The following ATP8B4 variants were observed in gnomAD, a reference collection of about 807,000 sequenced individuals.
ATP8B4 encodes ATPase phospholipid transporting 8B4 (putative).
ATP8B4 carries 133 observed loss-of-function variants against 145.6 expected under a neutral mutation model. The observed-to-expected ratio is 0.91, with a 90% CI of 0.79 to 1.05. ATP8B4 has a LOEUF of 1.05. ATP8B4 is among the 50% of genes least tolerant of loss of function. The pLI, the probability that ATP8B4 is intolerant of heterozygous loss-of-function variation, is 0.00. For missense variants in ATP8B4, 1,458 were observed against 1,425.2 expected (o/e 1.02, Z -0.37); for synonymous variants, 507 against 492.9 (o/e 1.03, Z -0.38).
At chr15:50,089,445 A>C (rs2055445434) in intron 2 of ATP8B4, among the ~76,000 whole-genome samples, 1 of 152,166 alleles carries the variant, frequency 6.6e-6, no homozygotes. Context: ...AAAAGCAAAC[A>C]ACCACATTGA....
intron 21 of ATP8B4, among the ~76,000 whole-genome samples, chr15:49,899,633 T>TTCTC (rs200462162): frequency 1.3e-5 from 2 of 151,826 alleles, no homozygotes; most frequent in South Asian, 4.1e-4. Context: ...AATGGTCTCT[T>TTCTC]TCTCTCTCTC....
chr15:50,067,099 T>C (rs887118774), intron 3 of ATP8B4, among the ~76,000 whole-genome samples: 1 of 152,090 alleles, frequency 6.6e-6, no homozygotes, highest in Admixed American at 6.6e-5. Context: ...ACCTCACATT[T>C]AGCAAGTTCC....
chr15:50,020,336 C>G (rs2049449667), intron 6 of ATP8B4, among the ~76,000 whole-genome samples: 1 of 150,220 alleles, frequency 6.7e-6, no homozygotes. Flanking sequence ...ATGGCACAGT[C>G]TCGGCTCACT....
chr15:50,099,054 T>C (rs971558118), intron 2 of ATP8B4, among the ~76,000 whole-genome samples: 1 of 152,116 alleles, frequency 6.6e-6, no homozygotes, highest in Non-Finnish European at 1.5e-5. Context: ...CCCGGTCTGA[T>C]TCATCCTACC....
intron 12 of ATP8B4, among the ~76,000 whole-genome samples, chr15:49,978,631 C>T (rs1485487095): frequency 6.6e-6 from 1 of 152,002 alleles, no homozygotes; most frequent in African/African-American, 2.4e-5. Flanking sequence ...CAACCAAGTC[C>T]CATCTTAGCT....
intron 26 of ATP8B4, among the ~76,000 whole-genome samples, chr15:49,865,366 C>A (rs1160873974): frequency 6.6e-6 from 1 of 152,196 alleles, no homozygotes; most frequent in Non-Finnish European, 1.5e-5. Flanking sequence ...TTTGTAATAT[C>A]CTTTATAGTA....
intron 1 of ATP8B4, among the ~76,000 whole-genome samples, chr15:50,170,351 G>T (rs988638549): frequency 6.6e-6 from 1 of 152,174 alleles, no homozygotes; most frequent in Non-Finnish European, 1.5e-5. Flanking sequence ...AAGCTAGAAA[G>T]GATTGGGGAC....
At chr15:50,081,288 G>A (rs1209496065) in intron 2 of ATP8B4, among the ~76,000 whole-genome samples, 1 of 152,058 alleles carries the variant, frequency 6.6e-6, no homozygotes, top group African/African-American at 2.4e-5. Context: ...ATTTAATGAG[G>A]AAATATATGG....
At chr15:49,884,334 G>C (rs1003181511) in intron 23 of ATP8B4, among the ~76,000 whole-genome samples, 1 of 151,978 alleles carries the variant, frequency 6.6e-6, no homozygotes, top group African/African-American at 2.4e-5. Flanking sequence ...TGGTACAGTG[G>C]CTCACACCTG....
chr15:49,875,489 A>G (rs1367367599), intron 25 of ATP8B4, among the ~76,000 whole-genome samples: 2 of 152,220 alleles, frequency 1.3e-5, no homozygotes, highest in Non-Finnish European at 2.9e-5. Context: ...AAAATAAAAC[A>G]GAGGTCACAT....
intron 2 of ATP8B4, among the ~76,000 whole-genome samples, chr15:50,086,911 AT>A (rs1300882064): frequency 4.4e-4 from 43 of 96,702 alleles, no homozygotes; most frequent in South Asian, 9.8e-4. Context: ...GATCTATATT[AT>A]TATATATAAT....
intron 23 of ATP8B4, chr15:49,895,731 T>A (rs1424299057): frequency 6.6e-6 from 1 of 152,190 alleles, no homozygotes; most frequent in African/African-American, 2.4e-5. Flanking sequence ...CTGACCGATT[T>A]TTATCAGAAC....
At chr15:49,937,725 T>C (rs553985546) in intron 14 of ATP8B4, among the ~76,000 whole-genome samples, 1 of 152,286 alleles carries the variant, frequency 6.6e-6, no homozygotes, top group South Asian at 2.1e-4. Flanking sequence ...ACAAAAATAT[T>C]AAAAAGAATA....
At chr15:50,151,827 A>G (rs1277783820) in intron 1 of ATP8B4, among the ~76,000 whole-genome samples, 1 of 152,062 alleles carries the variant, frequency 6.6e-6, no homozygotes, top group Non-Finnish European at 1.5e-5. Context: ...AAACTTATGA[A>G]CAGTTTCCAA....
chr15:50,052,938 C>T (rs749019184), intron 3 of ATP8B4, among the ~76,000 whole-genome samples: 20 of 152,102 alleles, frequency 1.3e-4, no homozygotes, highest in Non-Finnish European at 2.5e-4. Context: ...AAAGAAGTAA[C>T]TTGAGATTTT....
intron 2 of ATP8B4, among the ~76,000 whole-genome samples, chr15:50,076,659 C>T (rs139377773): frequency 1.4e-4 from 22 of 152,244 alleles, no homozygotes; most frequent in African/African-American, 4.8e-4. Context: ...TCCCCCAAAA[C>T]CTGATTAGAG....
intron 3 of ATP8B4, among the ~76,000 whole-genome samples, chr15:50,065,239 A>C (rs77266253): frequency 0.1 from 15,493 of 152,254 alleles, 1,154 homozygotes; most frequent in East Asian, 0.19. Flanking sequence ...TTTGTCAAAA[A>C]AAAGAAACTA....
At chr15:50,177,520 C>CT (rs1484896670) in intron 1 of ATP8B4, among the ~76,000 whole-genome samples, 2 of 152,200 alleles carry the variant, frequency 1.3e-5, no homozygotes, top group African/African-American at 4.8e-5. Flanking sequence ...TTTGGGAATA[C>CT]TTTTTTTCAC....
At position 49,982,995 on chromosome 15, in the gene ATP8B4, T is replaced by G. The variant is rs186685163; in HGVS notation, c.749-1701A>C. Among the ~76,000 whole-genome samples the G allele has an allele frequency of 2.0e-3, 301 of 152,250 alleles. 3 individuals are homozygous for G. Among genetic ancestry groups the G allele is most frequent in the South Asian group, 6.6e-3 (32 of 4,820 alleles). On this transcript the variant is annotated intron_variant, in intron 10 of 27. Coordinates refer to ENST00000284509, the MANE Select transcript of ATP8B4 (RefSeq NM_024837.4). Reference sequence around the variant, plus strand: ...CTTTCCTTCCTACCTCTTTGGTAGCTCCCTTCCTGTCTTCCATGATACTTA... The same window carrying G: ...CTTTCCTTCCTACCTCTTTGGTAGCGCCCTTCCTGTCTTCCATGATACTTA...
Sources: allele counts gnomAD v4.1 joint callset (sites outside exome capture counted in the v4.1 genomes callset), GRCh38; gene constraint gnomAD v4.1.1; transcripts MANE v1.5; gene names NCBI Gene and HGNC (gene_info 2026-07-23, HGNC 2026-07-21).